The following CHL1 variants were observed in gnomAD, a reference collection of about 807,000 sequenced individuals.
CHL1 encodes the protein neural cell adhesion molecule L1-like protein.
CHL1 carries 96 observed loss-of-function variants against 141.9 expected under a neutral mutation model. The ratio of observed to expected loss-of-function variants is 0.68; its 90% CI spans 0.57 to 0.80. CHL1 has a LOEUF of 0.80. Among genes scored for constraint, CHL1 ranks in the 30% least tolerant of loss-of-function variants. CHL1 has a pLI of 0.00. For synonymous variants in CHL1, 613 were observed against 502.2 expected (o/e 1.22, Z -2.95); for missense variants, 1,820 against 1,457.2 (o/e 1.25, Z -4.05).
chr3:214,866 A>T (rs1007398084), intron 1 of CHL1, among the ~76,000 whole-genome samples: 2 of 152,168 alleles, frequency 1.3e-5, no homozygotes, highest in Non-Finnish European at 2.9e-5. Flanking sequence ...CCTTGAAAAG[A>T]TTAATTATGT....
Position 328,166 on chromosome 3 carries a change from G to T in CHL1, c.198-1G>T. 1.3e-6 allele frequency: 2 copies of T among 1,599,192 alleles called. No homozygotes were observed. Among genetic ancestry groups the T allele is most frequent in the Non-Finnish European group, 1.7e-6 (2 of 1,172,110 alleles). On this transcript the variant is annotated splice_acceptor_variant, in intron 4 of 27. Coordinates refer to ENST00000256509, the MANE Select transcript of CHL1 (RefSeq NM_006614.4). LOFTEE classifies it high-confidence loss of function. ...TTATTAAGTTCAGTTTTATGTTTTA[G>T]ATTTTCGTGGACTAAGGATGGCAAC...
intron 19 of CHL1, among the ~76,000 whole-genome samples, chr3:388,183 T>C (rs886672291): frequency 1.3e-5 from 2 of 151,976 alleles, no homozygotes; most frequent in African/African-American, 4.8e-5. Context: ...TTAAACCACA[T>C]TATTGTTTTT....
chr3:319,735 A>G lies in CHL1; in HGVS notation c.-42A>G, dbSNP rs766236676. 2.2e-5 allele frequency: 29 copies of G among 1,348,426 alleles called. No individual in the cohort carries two copies. The highest frequency in any genetic ancestry group is 3.5e-5 in the Admixed American group (2 of 57,638). The allele number at this position is 1,348,426 out of a possible 1,614,324, so 83.5% of individuals were successfully genotyped here. On this transcript the variant is annotated 5_prime_UTR_variant, in exon 3 of 28. Transcript: ENST00000256509. The stretch of plus-strand genomic sequence containing the variant: ...TAAACCAAAAGTGAGAGGAGACATT[A>G]AGATTTTCATTCTTACCGGGTTGTC...
rs148249411 is a variant in CHL1, at chr3:297,072, G to C, written c.-94-22611G>C. On this transcript the variant is annotated intron_variant, in intron 2 of 27. Coordinates refer to ENST00000256509, the MANE Select transcript of CHL1 (RefSeq NM_006614.4). ...TAGAGGATGGGGAGATAATACAAGGGAGAGATAGCCAGGCATGGTGGTGCG... is the reference window on the plus strand; with the variant it reads ...TAGAGGATGGGGAGATAATACAAGGCAGAGATAGCCAGGCATGGTGGTGCG... Among the ~76,000 whole-genome samples, 10 of 152,002 alleles carry C rather than the reference G, an allele frequency of 6.6e-5. No homozygotes were observed. The East Asian group carries it at 7.8e-4, about 12-fold the overall frequency.
rs1410311860 is a variant in CHL1, at chr3:314,327, G to GTATATA, written c.-94-5355_-94-5354insATATAT. On this transcript the variant is annotated intron_variant, in intron 2 of 27. Transcript: ENST00000256509. Reference sequence around the variant, plus strand: ...TCTCTCTTTCTCTCTCTCTCTCTATGTGTATATATATATATATATATATAT... The same window carrying GTATATA: ...TCTCTCTTTCTCTCTCTCTCTCTATGTATATATGTATATATATATATATATATATAT... 9.6e-4 allele frequency among the ~76,000 whole-genome samples: 55 copies of GTATATA among 57,014 alleles called. 1 individual carries two copies. The highest frequency in any genetic ancestry group is 2.7e-3 in the African/African-American group (51 of 19,058). 37.4% of individuals were successfully genotyped at this position (57,014 alleles called of 152,430 possible). A position where few individuals can be genotyped will look rare whatever the true frequency, so the allele number is the denominator to read the frequency against.
intron 11 of CHL1, among the ~76,000 whole-genome samples, chr3:355,543 G>A (rs573215497): frequency 5.9e-5 from 9 of 152,272 alleles, no homozygotes; most frequent in Non-Finnish European, 1.2e-4. Context: ...ATATTTTTAC[G>A]TGTCAATTGC....
intron 2 of CHL1, among the ~76,000 whole-genome samples, chr3:250,970 G>C (rs73814067): frequency 1.3e-5 from 2 of 152,028 alleles, no homozygotes; most frequent in South Asian, 2.1e-4. Context: ...GTCGCAAAGA[G>C]AGACACAGTT....
chr3:236,100 AC>A (rs1214589154), intron 1 of CHL1, among the ~76,000 whole-genome samples: 4 of 152,052 alleles, frequency 2.6e-5, no homozygotes, highest in African/African-American at 9.7e-5. Context: ...AGAGATTTGG[AC>A]CTTGTGTGGC....
chr3:286,546 G>T (rs1384671991), intron 2 of CHL1, among the ~76,000 whole-genome samples: 2 of 149,928 alleles, frequency 1.3e-5, no homozygotes, highest in Non-Finnish European at 2.9e-5. Context: ...AGTAGGCGTA[G>T]GTTGCAGTGA....
chr3:223,129 C>A (rs183748465), intron 1 of CHL1, among the ~76,000 whole-genome samples: 45 of 152,294 alleles, frequency 3.0e-4, no homozygotes, highest in Middle Eastern at 3.4e-3. Context: ...GTCCTAGCAA[C>A]TAGGACACGA....
At chr3:300,087 T>G (rs1698589339) in intron 2 of CHL1, among the ~76,000 whole-genome samples, 1 of 152,186 alleles carries the variant, frequency 6.6e-6, no homozygotes, top group African/African-American at 2.4e-5. Flanking sequence ...GAAAATTGTT[T>G]GAAACTTACT....
intron 2 of CHL1, among the ~76,000 whole-genome samples, chr3:257,434 A>C (rs570878720): frequency 6.6e-6 from 1 of 150,562 alleles, no homozygotes; most frequent in Non-Finnish European, 1.5e-5. Context: ...GCTCACTGCA[A>C]CCTCCGCCTC....
At position 342,029 on chromosome 3, in the gene CHL1, C is replaced by A. The variant is rs1702383014; in HGVS notation, c.626C>A (p.Pro209Gln). Residue 209 changes from proline (P) to glutamine (Q), a missense_variant, in exon 7 of 28, where the codon CCA becomes CAA. Transcript: ENST00000256509. ...RNDYCCFAAF[P>Q]RLRTIVQKMP... is the part of the protein sequence containing the mutation. The stretch of plus-strand genomic sequence containing the variant: ...GACTACTGTTGCTTTGCTGCATTTC[C>A]AAGATTAAGGACTATTGTACAGAAA... 2 of 1,613,312 alleles carry A rather than the reference C, an allele frequency of 1.2e-6. No individual in the cohort carries two copies. The highest frequency in any genetic ancestry group is 1.7e-5 in the Admixed American group (1 of 59,932).
intron 1 of CHL1, among the ~76,000 whole-genome samples, chr3:208,720 A>G (rs954596996): frequency 3.9e-5 from 6 of 152,222 alleles, no homozygotes; most frequent in African/African-American, 1.4e-4. Context: ...GGGGTTCACA[A>G]CTAACTCCTA....
chr3:237,496 A>C (rs536107334), intron 1 of CHL1, among the ~76,000 whole-genome samples: 7 of 152,342 alleles, frequency 4.6e-5, no homozygotes, highest in African/African-American at 1.7e-4. Context: ...ATAGTAAAAG[A>C]CTGAGGTATA....
intron 1 of CHL1, among the ~76,000 whole-genome samples, chr3:213,021 AG>A (rs940777655): frequency 1.9e-4 from 29 of 152,364 alleles, no homozygotes; most frequent in African/African-American, 6.5e-4. Context: ...AACAATGAAA[AG>A]TAAGAGCAAA....
intron 5 of CHL1, among the ~76,000 whole-genome samples, chr3:334,588 A>C (rs931262046): frequency 6.6e-6 from 1 of 152,202 alleles, no homozygotes; most frequent in African/African-American, 2.4e-5. Flanking sequence ...AGGTTCATCC[A>C]TGTAGTAGCA....
intron 2 of CHL1, among the ~76,000 whole-genome samples, chr3:290,226 T>G (rs764411899): frequency 3.6e-4 from 55 of 152,090 alleles, no homozygotes; most frequent in Non-Finnish European, 5.7e-4. Context: ...TTGTTTATAG[T>G]AAGAGAACTG....
rs199513859 is a variant in CHL1, at chr3:382,667, A to G, written c.2172A>G (p.Pro724=). The G allele has an allele frequency of 8.6e-5, 138 of 1,612,580 alleles. No homozygotes were observed. Among genetic ancestry groups the G allele is most frequent in the Non-Finnish European group, 1.1e-4 (128 of 1,178,818 alleles). ...CGTCAGACCATCATGAAACACCACC[A>G]GCAGGTATGCAGGTTCTCACATCAG... is the stretch of plus-strand genomic sequence containing the variant. The part of the protein sequence containing the change: ...SQPSDHHETP[P]AAPDRNPQNI... Residue 724 remains proline (P), a synonymous_variant, in exon 18 of 28, where the codon CCA becomes CCG. Transcript: ENST00000256509.
Sources: allele counts gnomAD v4.1 joint callset (sites outside exome capture counted in the v4.1 genomes callset), GRCh38; gene constraint gnomAD v4.1.1; transcripts MANE v1.5; gene names NCBI Gene and HGNC (gene_info 2026-07-23, HGNC 2026-07-21).